Variants in ZNF440 observed in about 807,000 individuals in gnomAD.
ZNF440 encodes the protein zinc finger protein 440.
ZNF440 carries 47 observed loss-of-function variants against 49.7 expected under a neutral mutation model. The observed-to-expected ratio is 0.95, with a 90% CI of 0.75 to 1.21. The LOEUF (loss-of-function observed/expected upper bound fraction) is 1.21. Among genes scored for constraint, ZNF440 ranks in the 50% most tolerant of loss-of-function variants. The pLI is 0.00. For synonymous variants in ZNF440, 255 were observed against 237.7 expected, an observed-to-expected ratio of 1.07 and a Z score of -0.67; for missense variants, 703 against 715.0, an observed-to-expected ratio of 0.98 and a Z score of 0.19.
At position 11,833,074 on chromosome 19, in the gene ZNF440, G is replaced by C; in HGVS notation, c.*110G>C. 6.5e-7 allele frequency: 1 copy of C among 1,532,208 alleles called. No homozygotes were observed. The highest frequency in any genetic ancestry group is 1.8e-5 in the Admixed American group (1 of 54,822). 94.9% of individuals were successfully genotyped at this position (1,532,208 alleles called of 1,614,324 possible). ...CTTACACTGGAGAGAAACCCTATGA[G>C]TGTAAGCAATGTGGGAAAGCCTTTG... On this transcript the variant is annotated 3_prime_UTR_variant, in exon 4 of 4. Transcript: ENST00000304060.
At chr19:11,817,057 C>T (rs1975740936) in intron 1 of ZNF440, 1 of 152,192 alleles carries the variant, frequency 6.6e-6, no homozygotes, top group African/African-American at 2.4e-5. Flanking sequence ...GACTTGTCAA[C>T]CCGAAATAAT....
chr19:11,820,365 T>C (rs1426218005), intron 1 of ZNF440, among the ~76,000 whole-genome samples: 1 of 152,120 alleles, frequency 6.6e-6, no homozygotes, highest in African/African-American at 2.4e-5. Context: ...TACAGGCACC[T>C]GCCACCACGC....
Position 11,832,078 on chromosome 19 carries a change from T to G in ZNF440, c.902T>G (p.Ile301Arg), listed in dbSNP as rs774406202. ...KAFTCPRYVR[I>R]HERTHSRKNL... Reference sequence around the variant, plus strand: ...TTCACGTGTCCCCGTTATGTTCGTATACATGAAAGGACCCACTCTAGGAAA... The same window carrying G: ...TTCACGTGTCCCCGTTATGTTCGTAGACATGAAAGGACCCACTCTAGGAAA... The change falls in exon 4 of 4, where the codon ATA becomes AGA. Residue 301 changes from isoleucine to arginine, a missense_variant. Physicochemically the swap from Ile to Arg is moderately conservative, Grantham distance 97 (BLOSUM62 -3). Coordinates refer to ENST00000304060, the MANE Select transcript of ZNF440 (RefSeq NM_152357.3). 1.2e-6 allele frequency: 2 copies of G among 1,614,146 alleles called. No homozygotes were observed. Among genetic ancestry groups the G allele is most frequent in the Non-Finnish European group, 1.7e-6 (2 of 1,180,000 alleles).
chr19:11,815,524 C>A (rs1174361106), intron 1 of ZNF440, among the ~76,000 whole-genome samples: 1 of 152,170 alleles, frequency 6.6e-6, no homozygotes, highest in Non-Finnish European at 1.5e-5. Context: ...TCATCTCTGA[C>A]AGGTTCGTGT....
chr19:11,832,107 C>G lies in ZNF440; in HGVS notation c.931C>G (p.Leu311Val), dbSNP rs1436895632. 14 of 1,614,136 alleles carry G rather than the reference C, an allele frequency of 8.7e-6. No homozygotes were observed. Among genetic ancestry groups the G allele is most frequent in the Non-Finnish European group, 1.0e-5 (12 of 1,179,994 alleles). The change falls in exon 4 of 4, where the codon CTC (leucine) becomes GTC (valine). Residue 311 changes from leucine (L) to valine (V), a missense_variant. Transcript: ENST00000304060. ...TGAAAGGACCCACTCTAGGAAAAAT[C>G]TCTATGAATGTAAGCAGTGTGGGAA... ...IHERTHSRKN[L>V]YECKQCGKAL...
rs1322385989 is a variant in ZNF440 at position 11,832,100 on chromosome 19, G to A, written c.924G>A (p.Arg308=). 2 of 1,613,986 alleles carry A rather than the reference G, an allele frequency of 1.2e-6. No individual in the cohort carries two copies. The highest frequency in any genetic ancestry group is 8.5e-7 in the Non-Finnish European group (1 of 1,180,012). ...YVRIHERTHS[R]KNLYECKQCG... ...GTATACATGAAAGGACCCACTCTAG[G>A]AAAAATCTCTATGAATGTAAGCAGT... Residue 308 remains arginine (R), a synonymous_variant, in exon 4 of 4, where the codon AGG becomes AGA. Coordinates refer to ENST00000304060, the MANE Select transcript of ZNF440 (RefSeq NM_152357.3).
intron 1 of ZNF440, among the ~76,000 whole-genome samples, chr19:11,824,195 A>G (rs1372354880): frequency 6.6e-6 from 1 of 151,180 alleles, no homozygotes; most frequent in Non-Finnish European, 1.5e-5. Flanking sequence ...AAAAAAAAAA[A>G]AAAAAAGAAA....
At chr19:11,830,450 C>T in intron 2 of ZNF440, 41 bp downstream of exon 2, 2 of 1,611,128 alleles carry the variant, frequency 1.2e-6, no homozygotes, top group Non-Finnish European at 1.7e-6. Context: ...CATTAGTGAA[C>T]CAGTGTTTCT....
At chr19:11,830,252 C>T (rs904586817) in intron 1 of ZNF440, 31 bp from the exon 2 acceptor site, 2 of 1,613,350 alleles carry the variant, frequency 1.2e-6, no homozygotes, top group African/African-American at 2.7e-5. Flanking sequence ...CACTCTCACC[C>T]ATCTTCTTCT....
At chr19:11,820,466 C>T (rs1975785942) in intron 1 of ZNF440, among the ~76,000 whole-genome samples, 1 of 152,178 alleles carries the variant, frequency 6.6e-6, no homozygotes, top group Non-Finnish European at 1.5e-5. Flanking sequence ...GATCCGCCCG[C>T]CTCGGCCTCC....
intron 1 of ZNF440, among the ~76,000 whole-genome samples, chr19:11,821,843 A>G (rs951463730): frequency 2.0e-5 from 3 of 152,248 alleles, no homozygotes; most frequent in African/African-American, 7.2e-5. Flanking sequence ...TGCGTAGGTC[A>G]GTGAGACACA....
rs1331691468 is a variant in ZNF440, at chr19:11,830,654, C to G, written c.168C>G (p.His56Gln). 1 of 1,613,844 alleles carries G rather than the reference C, an allele frequency of 6.2e-7. No individual in the cohort carries two copies. The highest frequency in any genetic ancestry group is 1.3e-5 in the African/African-American group (1 of 74,874). ...AAGACCAGAACATTGAATATGAGCA[C>G]CAAAACCCCAGGAGAAACTTCAGGT... ...RWKDQNIEYEHQNPRRNFRSL... is the reference protein window; with the variant it reads ...RWKDQNIEYEQQNPRRNFRSL... The change falls in exon 3 of 4, where the codon CAC becomes CAG. Residue 56 changes from histidine to glutamine, a missense_variant. His to Gln is a conservative substitution (Grantham distance 24, BLOSUM62 0). Transcript: ENST00000304060.
In ZNF440 at chr19:11,814,352, T is replaced by A; in HGVS notation, c.-96T>A. On this transcript the variant is annotated 5_prime_UTR_variant, in exon 1 of 4. Coordinates refer to ENST00000304060, the MANE Select transcript of ZNF440 (RefSeq NM_152357.3). ...CTTGCTTCGAGAGGGACTAGGTGCC[T>A]CCACCAGAGCTTCTGTCGCTCTGTA... is the stretch of plus-strand genomic sequence containing the variant. The A allele has an allele frequency of 7.2e-7, 1 of 1,397,832 alleles. No individual in the cohort carries two copies. Among genetic ancestry groups the A allele is most frequent in the Non-Finnish European group, 9.5e-7 (1 of 1,051,990 alleles). 86.6% of individuals were successfully genotyped at this position (1,397,832 alleles called of 1,614,324 possible). A position where few individuals can be genotyped will look rare whatever the true frequency, so the allele number is the denominator to read the frequency against.
At chr19:11,818,046 C>CA (rs964706969) in intron 1 of ZNF440, among the ~76,000 whole-genome samples, 36 of 150,910 alleles carry the variant, frequency 2.4e-4, no homozygotes, top group South Asian at 2.1e-3. Flanking sequence ...ACTAAAAATA[C>CA]AAAAAAAAAT....
chr19:11,832,257 A>G lies in ZNF440; in HGVS notation c.1081A>G (p.Ile361Val). 3 of 1,614,108 alleles carry G rather than the reference A, an allele frequency of 1.9e-6. No individual in the cohort carries two copies. The highest frequency in any genetic ancestry group is 2.5e-6 in the Non-Finnish European group (3 of 1,180,004). The change falls in exon 4 of 4, where the codon ATT becomes GTT. Residue 361 changes from isoleucine to valine, a missense_variant. By Grantham distance (29) the Ile-to-Val change is conservative. Transcript: ENST00000304060. ...GAATTCATTTCAAAGACATGAAAAA[A>G]TTCACAGTGGAGAGAAACCCTATAA... ...SVNSFQRHEK[I>V]HSGEKPYKCK...
chr19:11,820,465 G>A (rs1446078490), intron 1 of ZNF440, among the ~76,000 whole-genome samples: 4 of 152,076 alleles, frequency 2.6e-5, no homozygotes, highest in South Asian at 2.1e-4. Context: ...TGATCCGCCC[G>A]CCTCGGCCTC....
intron 1 of ZNF440, among the ~76,000 whole-genome samples, chr19:11,828,945 A>C (rs1354702245): frequency 6.6e-6 from 1 of 151,862 alleles, no homozygotes; most frequent in African/African-American, 2.4e-5. Flanking sequence ...TGGCCTTCCA[A>C]AGTGCTGGGA....
intron 1 of ZNF440, chr19:11,817,786 C>A (rs754924114): frequency 6.6e-6 from 1 of 152,136 alleles, no homozygotes; most frequent in Non-Finnish European, 1.5e-5. Flanking sequence ...GGGATCTTGT[C>A]TATGTAAAAG....
At position 11,834,684 on chromosome 19, in the gene ZNF440, C is replaced by A. The variant is rs1361319189; in HGVS notation, c.*1720C>A. On this transcript the variant is annotated 3_prime_UTR_variant, in exon 4 of 4. Transcript: ENST00000304060. ...TCTATCACATTTAAAAATATAGTTA[C>A]AAAATGCCCTTGTTTTTGTCCTGAT... is the stretch of plus-strand genomic sequence containing the variant. 1 of 152,156 alleles carries A rather than the reference C, an allele frequency of 6.6e-6. No individual in the cohort carries two copies. Among genetic ancestry groups the A allele is most frequent in the Non-Finnish European group, 1.5e-5 (1 of 68,044 alleles). The allele number at this position is 152,156 out of a possible 1,614,324, so 9.4% of individuals were successfully genotyped here. A position where few individuals can be genotyped will look rare whatever the true frequency, so the allele number is the denominator to read the frequency against.
Sources: gnomAD v4.1 joint callset for allele counts (sites outside exome capture counted in the v4.1 genomes callset) on GRCh38, gnomAD v4.1.1 for gene constraint, MANE v1.5 for transcripts, NCBI Gene and HGNC (gene_info 2026-07-23, HGNC 2026-07-21) for gene names.